The following TBC1D5 variants were observed in gnomAD, a reference collection of about 807,000 sequenced individuals.
The protein encoded by TBC1D5 is TBC1 domain family member 5.
A neutral mutation model predicts 100.3 loss-of-function variants in TBC1D5; 75 were observed. That is an observed-to-expected ratio of 0.75 (90% CI 0.62 to 0.91). The LOEUF (loss-of-function observed/expected upper bound fraction) is 0.91, where lower values mean the gene tolerates loss of function less well. Ranked by LOEUF, TBC1D5 falls within the 40% of genes least tolerant of loss-of-function variation. The pLI is 0.00. For missense variants in TBC1D5, 910 were observed against 942.4 expected (o/e 0.97, Z 0.45); for synonymous variants, 323 against 325.6 (o/e 0.99, Z 0.09).
chr3:17,323,833 T>C (rs2085739921), intron 13 of TBC1D5, among the ~76,000 whole-genome samples: 1 of 152,112 alleles, frequency 6.6e-6, no homozygotes, highest in Non-Finnish European at 1.5e-5. Context: ...GACCCTAAAA[T>C]GTGAATTGAA....
At chr3:17,557,603 T>G (rs145824532) in intron 2 of TBC1D5, among the ~76,000 whole-genome samples, 5 of 152,176 alleles carry the variant, frequency 3.3e-5, no homozygotes, top group African/African-American at 7.2e-5. Flanking sequence ...CAGGCTGGAG[T>G]GTAGTGGCAT....
intron 1 of TBC1D5, among the ~76,000 whole-genome samples, chr3:17,722,572 G>A (rs2075791579): frequency 6.6e-6 from 1 of 152,180 alleles, no homozygotes; most frequent in Non-Finnish European, 1.5e-5. Context: ...AGCTCAACCT[G>A]TAGTAACAAT....
chr3:17,357,008 A>G (rs545492540), intron 13 of TBC1D5, among the ~76,000 whole-genome samples: 1 of 151,548 alleles, frequency 6.6e-6, no homozygotes, highest in African/African-American at 2.4e-5. Flanking sequence ...AAAAAAAAAT[A>G]GTGACACTAT....
intron 17 of TBC1D5, among the ~76,000 whole-genome samples, chr3:17,225,764 A>G (rs1365483830): frequency 6.6e-6 from 1 of 152,094 alleles, no homozygotes; most frequent in Non-Finnish European, 1.5e-5. Context: ...CAATTACTTG[A>G]GCCCAGGAGG....
At chr3:17,307,929 G>A (rs2083560860) in intron 14 of TBC1D5, 63 bp downstream of exon 14, 1 of 1,562,396 alleles carries the variant, frequency 6.4e-7, no homozygotes, top group East Asian at 2.3e-5. Flanking sequence ...CTATTTAAAA[G>A]GCAAAACATT....
At chr3:17,297,687 A>G (rs1264937233) in intron 14 of TBC1D5, among the ~76,000 whole-genome samples, 1 of 151,494 alleles carries the variant, frequency 6.6e-6, no homozygotes, top group Non-Finnish European at 1.5e-5. Flanking sequence ...GGCTTAAGTG[A>G]TCCTCCCACC....
chr3:17,177,450 A>T (rs1161888460), intron 19 of TBC1D5, among the ~76,000 whole-genome samples: 1 of 152,256 alleles, frequency 6.6e-6, no homozygotes, highest in Non-Finnish European at 1.5e-5. Flanking sequence ...TGCAGGCTAC[A>T]TCAGGATGCT....
At chr3:17,428,492 G>C in exon 4 of TBC1D5, 1 of 1,509,430 alleles carries the variant, frequency 6.6e-7, no homozygotes, top group Non-Finnish European at 8.9e-7. Flanking sequence ...AGTAGAACTT[G>C]TTCTTCTTCC....
rs558102803 is a variant in TBC1D5, at chr3:17,290,435, G to A, written c.1245+1460C>T. On this transcript the variant is annotated intron_variant, in intron 15 of 21. Coordinates refer to ENST00000253692, the Ensembl canonical transcript of TBC1D5. ...TAGCTAGGGAAAAATTACCAAGATC[G>A]ATAGGTTTTGATAACATATTCATTT... Among the ~76,000 whole-genome samples the A allele has an allele frequency of 2.6e-3, 396 of 152,250 alleles. 1 individual carries two copies. Among genetic ancestry groups the A allele is most frequent in the Non-Finnish European group, 4.4e-3 (296 of 68,004 alleles).
chr3:17,584,744 C>A (rs1466467666), intron 2 of TBC1D5, among the ~76,000 whole-genome samples: 1 of 152,222 alleles, frequency 6.6e-6, no homozygotes, highest in Non-Finnish European at 1.5e-5. Flanking sequence ...GCAACCTCCA[C>A]TTCCCGAGTT....
chr3:17,463,908 C>G (rs1330648766), intron 3 of TBC1D5, among the ~76,000 whole-genome samples: 2 of 144,736 alleles, frequency 1.4e-5, no homozygotes, highest in Non-Finnish European at 3.0e-5. Flanking sequence ...CATAATATTT[C>G]TCACGTTCCC....
At chr3:17,498,396 A>G (rs1261885930) in intron 3 of TBC1D5, among the ~76,000 whole-genome samples, 1 of 152,204 alleles carries the variant, frequency 6.6e-6, no homozygotes, top group Non-Finnish European at 1.5e-5. Flanking sequence ...AGTTAAGAAC[A>G]AAAAATATTT....
intron 13 of TBC1D5, among the ~76,000 whole-genome samples, chr3:17,316,634 G>A (rs1329636087): frequency 6.6e-6 from 1 of 152,174 alleles, no homozygotes; most frequent in Non-Finnish European, 1.5e-5. Flanking sequence ...CATTTTAAAA[G>A]AACAGCATAT....
chr3:17,524,286 G>T (rs1198385088), intron 2 of TBC1D5, among the ~76,000 whole-genome samples: 4 of 152,134 alleles, frequency 2.6e-5, no homozygotes, highest in Non-Finnish European at 5.9e-5. Context: ...CCCAGTCTTG[G>T]TAAGAATTTG....
rs1166642247 is a variant in TBC1D5, at chr3:17,451,371, A to G, written c.98-22852T>C. Among the ~76,000 whole-genome samples the G allele has an allele frequency of 2.0e-5, 3 of 152,318 alleles. No homozygotes were observed. The East Asian group carries it at 5.8e-4, about 29-fold the overall frequency. On this transcript the variant is annotated intron_variant, in intron 3 of 21. Transcript: ENST00000253692. ...GAACAGACACTTCACAAAAGAAAAC[A>G]TTTATGTGGCCAACAAACATGAAGA...
At chr3:17,589,086 G>A (rs1318204727) in intron 2 of TBC1D5, among the ~76,000 whole-genome samples, 1 of 152,132 alleles carries the variant, frequency 6.6e-6, no homozygotes, top group Non-Finnish European at 1.5e-5. Context: ...TCAACAAAAG[G>A]GGAAAGTTTT....
Position 17,371,191 on chromosome 3 carries a change from T to C in TBC1D5, c.995+884A>G, listed in dbSNP as rs141450058. The stretch of plus-strand genomic sequence containing the variant: ...AAGAAAATTAATACATTATGGTCAT[T>C]ATGGTCTCTGAGAGGCATCTATCTT... On this transcript the variant is annotated intron_variant, in intron 13 of 21. Transcript: ENST00000253692. Among the ~76,000 whole-genome samples, 64 of 152,188 alleles carry C rather than the reference T, an allele frequency of 4.2e-4. No individual in the cohort carries two copies. In the East Asian group the frequency reaches 0.012, roughly 29 times the overall value.
upstream of TBC1D5, chr3:17,742,592 C>A (rs571794215): frequency 6.6e-6 from 1 of 152,326 alleles, no homozygotes; most frequent in Non-Finnish European, 1.5e-5. Flanking sequence ...GCGGCCGGGC[C>A]CGGCCCGACC....
chr3:17,476,585 T>A (rs984591046), intron 3 of TBC1D5, among the ~76,000 whole-genome samples: 2 of 152,018 alleles, frequency 1.3e-5, no homozygotes, highest in African/African-American at 2.4e-5. Context: ...TGTACCTTTT[T>A]TCTATTAAAT....
Sources: gnomAD v4.1 joint callset for allele counts (sites outside exome capture counted in the v4.1 genomes callset) on GRCh38, gnomAD v4.1.1 for gene constraint, MANE v1.5 for transcripts, NCBI Gene and HGNC (gene_info 2026-07-23, HGNC 2026-07-21) for gene names.